The following WDR91 variants were observed in gnomAD, a reference collection of about 807,000 sequenced individuals.
WDR91 encodes WD repeat domain 91, also known as WD repeat-containing protein 91.
WDR91 carries 52 observed loss-of-function variants against 88.4 expected under a neutral mutation model. That is an observed-to-expected ratio of 0.59 (90% CI 0.47 to 0.74). The LOEUF (loss-of-function observed/expected upper bound fraction) is 0.74. Among genes scored for constraint, WDR91 ranks in the 30% least tolerant of loss-of-function variants. The pLI is 0.00. For synonymous variants in WDR91, 362 were observed against 389.5 expected (o/e 0.93, Z 0.83); for missense variants, 824 against 954.5 (o/e 0.86, Z 1.80).
chr7:135,211,121 G>C (rs1832000705), intron 1 of WDR91, among the ~76,000 whole-genome samples: 1 of 152,170 alleles, frequency 6.6e-6, no homozygotes, highest in Admixed American at 6.5e-5. Context: ...AGTGGAGACA[G>C]AACCCTAGAC....
Position 135,204,294 on chromosome 7 carries a change from C to T in WDR91, c.865G>A (p.Ala289Thr). 6.2e-7 allele frequency: 1 copy of T among 1,614,100 alleles called. No homozygotes were observed. Among genetic ancestry groups the T allele is most frequent in the Non-Finnish European group, 8.5e-7 (1 of 1,180,002 alleles). The change falls in exon 6 of 15, where the codon GCC becomes ACC. Residue 289 changes from alanine to threonine, a missense_variant. By Grantham distance (58) the Ala-to-Thr change is moderately conservative. Transcript: ENST00000354475. ...TGACCACCGAAGGACTCTTTCTTGGCCGAGCTCTGAGGTTGAGGAGGGCCC... is the reference window on the plus strand; with the variant it reads ...TGACCACCGAAGGACTCTTTCTTGGTCGAGCTCTGAGGTTGAGGAGGGCCC... ...AQGPPQPQSSAKKESFGGQGT... is the reference protein window; with the variant it reads ...AQGPPQPQSSTKKESFGGQGT...
rs755823547 is a variant in WDR91 at position 135,204,252 on chromosome 7, C to T, written c.891+16G>A. The T allele has an allele frequency of 9.3e-6, 15 of 1,612,650 alleles. No individual in the cohort carries two copies. Among genetic ancestry groups the T allele is most frequent in the Admixed American group, 1.7e-5 (1 of 59,962 alleles). On this transcript the variant is annotated intron_variant, in intron 6 of 14. Coordinates refer to ENST00000354475, the MANE Select transcript of WDR91 (RefSeq NM_014149.4). The stretch of plus-strand genomic sequence containing the variant: ...GCCTTCTTGGCCAGAGTTAGAGAGG[C>T]AGGACTTGTGCTTACCTGACCACCG...
Position 135,196,213 on chromosome 7 carries a change from G to A in WDR91, c.1175C>T (p.Pro392Leu), listed in dbSNP as rs1180497503. ...SAGPEGGGVR[P>L]EQPFIVLGQE... is the part of the protein sequence containing the mutation. Reference sequence around the variant, plus strand: ...TCCCAGCACAATAAAGGGCTGCTCGGGGCGGACTCCTCCACCCTCAGGGCC... The same window carrying A: ...TCCCAGCACAATAAAGGGCTGCTCGAGGCGGACTCCTCCACCCTCAGGGCC... The change falls in exon 8 of 15, where the codon CCC (proline) becomes CTC (leucine). Residue 392 changes from proline (P) to leucine (L), a missense_variant. Transcript: ENST00000354475. The surrounding 1 kb of genome is among the most constrained non-coding windows in gnomAD (Gnocchi z 4.2). The A allele has an allele frequency of 1.9e-6, 3 of 1,611,580 alleles. No homozygotes were observed. The East Asian group carries it at 6.7e-5, about 36-fold the overall frequency.
Position 135,196,347 on chromosome 7 carries a change from G to A in WDR91, c.1051-10C>T. 1 of 1,523,586 alleles carries A rather than the reference G, an allele frequency of 6.6e-7. No individual in the cohort carries two copies. The highest frequency in any genetic ancestry group is 2.1e-4 in the Middle Eastern group (1 of 4,794). 94.4% of individuals were successfully genotyped at this position (1,523,586 alleles called of 1,614,324 possible). A position where few individuals can be genotyped will look rare whatever the true frequency, so the allele number is the denominator to read the frequency against. On this transcript the variant is annotated splice_polypyrimidine_tract_variant and intron_variant, in intron 7 of 14. Coordinates refer to ENST00000354475, the MANE Select transcript of WDR91 (RefSeq NM_014149.4). This position sits in a 1 kb window ranked among gnomAD's most constrained non-coding sequence, Gnocchi z 4.2. ...GTTTCTTCTCTGCACACTGTCACAA[G>A]CAGGGTGGGGACAAGTCAGCCAGGA... is the stretch of plus-strand genomic sequence containing the variant.
chr7:135,193,384 C>T lies in WDR91; in HGVS notation c.1506G>A (p.Ala502=), dbSNP rs373030689. 30 of 1,614,022 alleles carry T rather than the reference C, an allele frequency of 1.9e-5. No homozygotes were observed. The highest frequency in any genetic ancestry group is 1.3e-4 in the African/African-American group (10 of 74,916). The change falls in exon 11 of 15, where the codon GCG becomes GCA. Residue 502 remains alanine, a synonymous_variant. Transcript: ENST00000354475. ...NDNMPRILSL[A]CSPNGASFVC... The stretch of plus-strand genomic sequence containing the variant: ...CGAAAGAGGCCCCGTTGGGGCTGCA[C>T]GCAAGAGACAGGATTCTGCAACACA...
chr7:135,209,131 A>C, intron 2 of WDR91, 133 bp from the exon 3 acceptor site: 1 of 672,994 alleles, frequency 1.5e-6, no homozygotes, highest in South Asian at 2.4e-5. Context: ...ATTCCATAAT[A>C]TAAAGGAAAT....
chr7:135,207,408 C>T lies in WDR91; in HGVS notation c.512-206G>A, dbSNP rs185841267. The T allele has an allele frequency of 6.5e-4, 367 of 568,294 alleles. 1 individual carries two copies. Among genetic ancestry groups the T allele is most frequent in the Middle Eastern group, 3.1e-4 (1 of 3,200 alleles). 35.2% of individuals were successfully genotyped at this position (568,294 alleles called of 1,614,324 possible). A position where few individuals can be genotyped will look rare whatever the true frequency, so the allele number is the denominator to read the frequency against. On this transcript the variant is annotated intron_variant, in intron 3 of 14. Transcript: ENST00000354475. Reference sequence around the variant, plus strand: ...TCTCTAGGTCTGGCCTCATTTCATTCGGACAGATTCACAGACGCATGACCA... The same window carrying T: ...TCTCTAGGTCTGGCCTCATTTCATTTGGACAGATTCACAGACGCATGACCA...
chr7:135,202,916 G>C (rs1024878978), intron 6 of WDR91, among the ~76,000 whole-genome samples: 1 of 152,084 alleles, frequency 6.6e-6, no homozygotes, highest in Non-Finnish European at 1.5e-5. Flanking sequence ...TTGCATTAAC[G>C]GCACTTTAGG....
chr7:135,191,604 CAAAAAAAAA>C (rs10717249), intron 11 of WDR91, among the ~76,000 whole-genome samples: 1 of 82,930 alleles, frequency 1.2e-5, no homozygotes, highest in Non-Finnish European at 2.2e-5. Context: ...GACTCCATCT[CAAAAAAAAA>C]AAAAAAAAAA....
chr7:135,187,297 G>T, intron 13 of WDR91, 128 bp from the exon 14 acceptor site: 1 of 928,764 alleles, frequency 1.1e-6, no homozygotes, highest in Non-Finnish European at 1.6e-6. Context: ...CCACAGTGCT[G>T]ACATCCTTGA....
At chr7:135,205,319 G>A (rs916636975) in intron 5 of WDR91, among the ~76,000 whole-genome samples, 14 of 152,238 alleles carry the variant, frequency 9.2e-5, no homozygotes, top group Non-Finnish European at 1.9e-4. Context: ...TACCACAGTG[G>A]TTGCGTTTTT....
chr7:135,189,565 A>C, intron 11 of WDR91, 113 bp from the exon 12 acceptor site: 1 of 753,084 alleles, frequency 1.3e-6, no homozygotes, highest in Non-Finnish European at 2.2e-6. Flanking sequence ...CTCCTCCCTT[A>C]TGTAATCTGG....
In WDR91 at chr7:135,198,563, C is replaced by G. The variant is rs536465364; in HGVS notation, c.892-412G>C. 3.1e-4 allele frequency: 50 copies of G among 160,556 alleles called. No homozygotes were observed. The South Asian group carries it at 9.4e-3, about 30-fold the overall frequency. 9.9% of individuals were successfully genotyped at this position (160,556 alleles called of 1,614,324 possible). A position where few individuals can be genotyped will look rare whatever the true frequency, so the allele number is the denominator to read the frequency against. The stretch of plus-strand genomic sequence containing the variant: ...ATCTAAAAATTATTTATGCAACAAG[C>G]AATCACCTCTGGAGGGAAAAGGAAA... On this transcript the variant is annotated intron_variant, in intron 6 of 14. Coordinates refer to ENST00000354475, the MANE Select transcript of WDR91 (RefSeq NM_014149.4).
At chr7:135,192,277 C>G (rs554999603) in intron 11 of WDR91, among the ~76,000 whole-genome samples, 5 of 152,088 alleles carry the variant, frequency 3.3e-5, no homozygotes, top group Non-Finnish European at 5.9e-5. Flanking sequence ...ACCACCACAC[C>G]TGGCTAATTT....
intron 6 of WDR91, chr7:135,198,414 A>T: frequency 6.8e-6 from 3 of 444,230 alleles, no homozygotes; most frequent in Non-Finnish European, 1.2e-5. Context: ...TGTCATCTTG[A>T]TCTAATCGGA....
Position 135,206,043 on chromosome 7 carries a change from C to A in WDR91, c.610G>T (p.Ala204Ser), listed in dbSNP as rs777696525. Residue 204 changes from alanine to serine, a missense_variant, in exon 5 of 15, where the codon GCT (alanine) becomes TCT (serine). Transcript: ENST00000354475. Reference sequence around the variant, plus strand: ...TCTTTCTTCAGTCGGTGGATTTCAGCTTGCAATGCAAAAAGCTATACAGGG... The same window carrying A: ...TCTTTCTTCAGTCGGTGGATTTCAGATTGCAATGCAAAAAGCTATACAGGG... ...VLRQKLFALQ[A>S]EIHRLKKEEQ... 8 of 1,614,104 alleles carry A rather than the reference C, an allele frequency of 5.0e-6. No individual in the cohort carries two copies. The highest frequency in any genetic ancestry group is 2.7e-5 in the African/African-American group (2 of 74,932).
chr7:135,186,232 A>G lies in WDR91; in HGVS notation c.2163T>C (p.Thr721=). The change falls in exon 15 of 15, where the codon ACT becomes ACC. Residue 721 remains threonine (T), a synonymous_variant. Coordinates refer to ENST00000354475, the MANE Select transcript of WDR91 (RefSeq NM_014149.4). ...TGAGGCAGGTCCCACAGTCCATGGCAGTGCTCCAGTCCACGGTGACCACAG... is the reference window on the plus strand; with the variant it reads ...TGAGGCAGGTCCCACAGTCCATGGCGGTGCTCCAGTCCACGGTGACCACAG... ...RAPVVTVDWS[T]AMDCGTCLTA... is the part of the protein sequence containing the mutation. 1.2e-6 allele frequency: 2 copies of G among 1,611,346 alleles called. No individual in the cohort carries two copies. The highest frequency in any genetic ancestry group is 1.7e-6 in the Non-Finnish European group (2 of 1,178,944).
chr7:135,199,916 G>A (rs1831511300), intron 6 of WDR91: 2 of 152,202 alleles, frequency 1.3e-5, no homozygotes, highest in Non-Finnish European at 2.9e-5. Context: ...CCCAGCAGGA[G>A]CAAACAATAA....
rs761639557 is a variant in WDR91, at chr7:135,209,502, C to T, written c.303+74G>A. Reference sequence around the variant, plus strand: ...TCACATACAGATTCCTCCCTAGGAACTGGAAGAAAATCTATTTTGGGATCA... The same window carrying T: ...TCACATACAGATTCCTCCCTAGGAATTGGAAGAAAATCTATTTTGGGATCA... On this transcript the variant is annotated intron_variant, in intron 2 of 14. Coordinates refer to ENST00000354475, the MANE Select transcript of WDR91 (RefSeq NM_014149.4). The T allele has an allele frequency of 2.1e-5, 30 of 1,404,378 alleles. No individual in the cohort carries two copies. In the African/African-American group the frequency reaches 4.1e-4, roughly 19 times the overall value. 87.0% of individuals were successfully genotyped at this position (1,404,378 alleles called of 1,614,324 possible). A position where few individuals can be genotyped will look rare whatever the true frequency, so the allele number is the denominator to read the frequency against.
Sources: allele counts gnomAD v4.1 joint callset (sites outside exome capture counted in the v4.1 genomes callset), GRCh38; gene constraint gnomAD v4.1.1; non-coding constraint Gnocchi (gnomAD v3.1); transcripts MANE v1.5; gene names NCBI Gene and HGNC (gene_info 2026-07-23, HGNC 2026-07-21).